The following CNTNAP2 variants were observed in gnomAD, a reference collection of about 807,000 sequenced individuals.
CNTNAP2 encodes contactin associated protein 2, also known as contactin-associated protein-like 2.
Under a neutral mutation model 155.2 loss-of-function variants are expected in CNTNAP2, and 98 were observed. The observed-to-expected ratio is 0.63, with a 90% CI of 0.54 to 0.75. The LOEUF is 0.75. Among genes scored for constraint, CNTNAP2 ranks in the 30% least tolerant of loss-of-function variants. The probability of loss-of-function intolerance (pLI) is 0.00; values close to 1 mark genes in which losing one functional copy is unlikely to be tolerated. For synonymous variants in CNTNAP2, 651 were observed against 631.2 expected (o/e 1.03, Z -0.47); for missense variants, 1,727 against 1,688.1 (o/e 1.02, Z -0.40).
At chr7:147,987,289 T>G (rs1801635330) in intron 15 of CNTNAP2, among the ~76,000 whole-genome samples, 1 of 152,254 alleles carries the variant, frequency 6.6e-6, no homozygotes, top group Admixed American at 6.5e-5. Flanking sequence ...AATCAGCTCT[T>G]TAAGATTACT....
At chr7:148,366,091 C>T (rs868054658) in intron 21 of CNTNAP2, among the ~76,000 whole-genome samples, 1 of 13,222 alleles carries the variant, frequency 7.6e-5, no homozygotes, top group African/African-American at 1.7e-4. Flanking sequence ...TGCATGTATA[C>T]ATGTATGTGT....
chr7:147,297,477 G>A (rs1384388597), intron 8 of CNTNAP2, among the ~76,000 whole-genome samples: 1 of 152,096 alleles, frequency 6.6e-6, no homozygotes, highest in Non-Finnish European at 1.5e-5. Context: ...AAGGAATGTT[G>A]GGAGAGAGAG....
intron 8 of CNTNAP2, among the ~76,000 whole-genome samples, chr7:147,292,924 C>G (rs1341714009): frequency 6.6e-6 from 1 of 152,128 alleles, no homozygotes; most frequent in African/African-American, 2.4e-5. Context: ...CATGCACCAC[C>G]ATGCTGGCTA....
chr7:146,970,160 C>T (rs1477318499), intron 3 of CNTNAP2, among the ~76,000 whole-genome samples: 1 of 152,158 alleles, frequency 6.6e-6, no homozygotes, highest in Non-Finnish European at 1.5e-5. Context: ...GCAAGGACTT[C>T]ATGTCCAAAA....
chr7:147,822,751 T>C (rs1798381259), intron 13 of CNTNAP2, among the ~76,000 whole-genome samples: 1 of 152,184 alleles, frequency 6.6e-6, no homozygotes, highest in African/African-American at 2.4e-5. Context: ...TGGATGCTGA[T>C]GATTATCATT....
At chr7:147,518,141 T>C (rs1460432656) in intron 11 of CNTNAP2, among the ~76,000 whole-genome samples, 4 of 152,208 alleles carry the variant, frequency 2.6e-5, no homozygotes, top group African/African-American at 9.7e-5. Context: ...GCATGAACAA[T>C]TGAAAGATTT....
At chr7:146,236,703 C>T (rs1188292422) in intron 1 of CNTNAP2, among the ~76,000 whole-genome samples, 8 of 152,020 alleles carry the variant, frequency 5.3e-5, no homozygotes, top group African/African-American at 1.9e-4. Flanking sequence ...TTTTCTTCTC[C>T]AGGGAACTGG....
At chr7:146,238,462 C>A (rs767559026) in intron 1 of CNTNAP2, among the ~76,000 whole-genome samples, 53 of 151,592 alleles carry the variant, frequency 3.5e-4, no homozygotes, top group Non-Finnish European at 6.3e-4. Flanking sequence ...GGACAGGGAG[C>A]AAAGAAATTG....
At chr7:146,816,016 G>A (rs1435020316) in intron 2 of CNTNAP2, among the ~76,000 whole-genome samples, 1 of 152,094 alleles carries the variant, frequency 6.6e-6, no homozygotes, top group Non-Finnish European at 1.5e-5. Flanking sequence ...GTGGTGTTTG[G>A]TTTTCTGTCC....
chr7:146,660,237 C>G (rs17170208), intron 1 of CNTNAP2, among the ~76,000 whole-genome samples: 44,647 of 151,782 alleles, frequency 0.29, 6,872 homozygotes, highest in East Asian at 0.51. Flanking sequence ...AGCAGTATGT[C>G]GATGATATCT....
At chr7:146,781,227 C>CAAAAAAAAAAAAAAA (rs375760321) in intron 2 of CNTNAP2, among the ~76,000 whole-genome samples, 1 of 87,496 alleles carries the variant, frequency 1.1e-5, no homozygotes, top group Non-Finnish European at 2.3e-5. Context: ...GACTCCATCT[C>CAAAAAAAAAAAAAAA]AAAAAAAAAA....
intron 8 of CNTNAP2, among the ~76,000 whole-genome samples, chr7:147,262,768 T>A (rs1804509151): frequency 6.6e-6 from 1 of 152,136 alleles, no homozygotes; most frequent in African/African-American, 2.4e-5. Context: ...ATCGCGCCAC[T>A]GCACTCCAGC....
intron 8 of CNTNAP2, among the ~76,000 whole-genome samples, chr7:147,199,302 A>T (rs1802874896): frequency 1.3e-5 from 2 of 152,138 alleles, no homozygotes; most frequent in South Asian, 4.1e-4. Context: ...TTAAGGGCAA[A>T]TACAGGTTCT....
At chr7:148,382,473 A>T (rs1480183628) in intron 21 of CNTNAP2, among the ~76,000 whole-genome samples, 2 of 129,302 alleles carry the variant, frequency 1.5e-5, no homozygotes, top group African/African-American at 5.4e-5. Flanking sequence ...CAGGGACCCT[A>T]TGAAATGGAG....
chr7:146,721,304 T>TTCTATATATAC (rs1563203383), intron 1 of CNTNAP2, among the ~76,000 whole-genome samples: 1 of 105,608 alleles, frequency 9.5e-6, no homozygotes, highest in African/African-American at 4.1e-5. Context: ...TCTATATATG[T>TTCTATATATAC]ATTCTATATA....
intron 16 of CNTNAP2, among the ~76,000 whole-genome samples, chr7:148,129,409 G>C (rs1804779347): frequency 6.6e-6 from 1 of 152,014 alleles, no homozygotes; most frequent in Non-Finnish European, 1.5e-5. Flanking sequence ...ACTATTCCTG[G>C]GGATAGCTGA....
At chr7:148,214,398 T>C (rs1795601900) in intron 18 of CNTNAP2, among the ~76,000 whole-genome samples, 1 of 152,132 alleles carries the variant, frequency 6.6e-6, no homozygotes, top group Non-Finnish European at 1.5e-5. Flanking sequence ...ATGCGTCTCC[T>C]CCCACAACCA....
chr7:146,350,228 A>G (rs530928232), intron 1 of CNTNAP2, among the ~76,000 whole-genome samples: 1 of 152,098 alleles, frequency 6.6e-6, no homozygotes, highest in Non-Finnish European at 1.5e-5. Context: ...TTCGTCTTCC[A>G]TCACTGATAC....
chr7:148,137,402 G>A (rs1471140011), intron 16 of CNTNAP2, among the ~76,000 whole-genome samples: 3 of 152,218 alleles, frequency 2.0e-5, no homozygotes, highest in Non-Finnish European at 4.4e-5. Flanking sequence ...GCTCACGCCT[G>A]TAATCCCAGC....
Sources: gnomAD v4.1 joint callset for allele counts (sites outside exome capture counted in the v4.1 genomes callset) on GRCh38, gnomAD v4.1.1 for gene constraint, MANE v1.5 for transcripts, NCBI Gene and HGNC (gene_info 2026-07-23, HGNC 2026-07-21) for gene names.